LINGO2: variants seen among roughly 807,000 people sequenced by gnomAD.
LINGO2 encodes the protein leucine rich repeat and Ig domain containing 2.
Under a neutral mutation model 30.6 loss-of-function variants are expected in LINGO2, and 14 were observed. The ratio of observed to expected loss-of-function variants is 0.46; its 90% CI spans 0.30 to 0.72. LINGO2 has a LOEUF of 0.72. Among genes scored for constraint, LINGO2 ranks in the 30% least tolerant of loss-of-function variants. LINGO2 has a pLI of 0.07. For missense variants in LINGO2, 729 were observed against 751.7 expected, an observed-to-expected ratio of 0.97 and a Z score of 0.35; for synonymous variants, 317 against 288.5, an observed-to-expected ratio of 1.10 and a Z score of -1.00.
At chr9:28,602,524 C>T (rs181251273) in intron 1 of LINGO2, among the ~76,000 whole-genome samples, 210 of 152,114 alleles carry the variant, frequency 1.4e-3, no homozygotes, top group Admixed American at 6.4e-3. Context: ...ATAGCTTATG[C>T]ATACATCAAA....
chr9:28,853,132 A>G, the LINGO2 span, among the ~76,000 whole-genome samples: 1 of 152,040 alleles, frequency 6.6e-6, no homozygotes, highest in African/African-American at 2.4e-5. Context: ...TCTGTCTACA[A>G]ATGATGTTCA....
At chr9:28,013,997 T>A (rs554049559) in intron 4 of LINGO2, among the ~76,000 whole-genome samples, 1 of 152,320 alleles carries the variant, frequency 6.6e-6, no homozygotes, top group Non-Finnish European at 1.5e-5. Context: ...CATGCTCTGG[T>A]ATTTTTGCAG....
At chr9:29,103,532 AT>A in the LINGO2 span, among the ~76,000 whole-genome samples, 1 of 150,206 alleles carries the variant, frequency 6.7e-6, no homozygotes, top group East Asian at 1.9e-4. Flanking sequence ...TAAGTTTATA[AT>A]ATTTCTTTTT....
At chr9:29,105,983 T>A in the LINGO2 span, among the ~76,000 whole-genome samples, 2 of 152,162 alleles carry the variant, frequency 1.3e-5, no homozygotes, top group African/African-American at 4.8e-5. Context: ...CTGACAGCTT[T>A]TATTTGATCC....
chr9:28,709,293 A>C, the LINGO2 span, among the ~76,000 whole-genome samples: 1 of 152,010 alleles, frequency 6.6e-6, no homozygotes, highest in Non-Finnish European at 1.5e-5. Flanking sequence ...CTAATTGCTA[A>C]TTGGTTTTAG....
At chr9:29,176,975 G>C in the LINGO2 span, among the ~76,000 whole-genome samples, 1 of 152,182 alleles carries the variant, frequency 6.6e-6, no homozygotes, top group Non-Finnish European at 1.5e-5. Context: ...GCCCTAGCCA[G>C]TCAGTTGGCC....
chr9:28,963,241 A>G, the LINGO2 span, among the ~76,000 whole-genome samples: 6 of 151,974 alleles, frequency 3.9e-5, no homozygotes, highest in East Asian at 1.9e-4. Flanking sequence ...ATATATCACT[A>G]TAAGTATTTA....
chr9:28,341,154 C>T (rs1310224229), intron 3 of LINGO2, among the ~76,000 whole-genome samples: 1 of 152,014 alleles, frequency 6.6e-6, no homozygotes, highest in Non-Finnish European at 1.5e-5. Flanking sequence ...TTAACCAATT[C>T]AATAGATATG....
chr9:28,462,911 C>A (rs1470814602), intron 2 of LINGO2, among the ~76,000 whole-genome samples: 2 of 151,994 alleles, frequency 1.3e-5, no homozygotes, highest in African/African-American at 4.8e-5. Context: ...CTTGGTGACA[C>A]CTTAAAGAGC....
At chr9:28,225,825 A>C (rs1227005405) in intron 4 of LINGO2, among the ~76,000 whole-genome samples, 1 of 152,164 alleles carries the variant, frequency 6.6e-6, no homozygotes, top group African/African-American at 2.4e-5. Flanking sequence ...ATTCCTTTTG[A>C]AACTTGTTAA....
intron 5 of LINGO2, among the ~76,000 whole-genome samples, chr9:27,987,248 G>C (rs562690811): frequency 6.6e-6 from 1 of 151,838 alleles, no homozygotes; most frequent in Admixed American, 6.6e-5. Flanking sequence ...TTGCAATGTG[G>C]CTAAATATGT....
the LINGO2 span, among the ~76,000 whole-genome samples, chr9:29,048,542 G>T: frequency 6.6e-6 from 1 of 152,158 alleles, no homozygotes; most frequent in Admixed American, 6.5e-5. Flanking sequence ...AACAAAACTG[G>T]AGGAATCATA....
At chr9:28,184,796 C>G (rs769945679) in intron 4 of LINGO2, among the ~76,000 whole-genome samples, 2 of 152,028 alleles carry the variant, frequency 1.3e-5, no homozygotes, top group Non-Finnish European at 2.9e-5. Context: ...TTGGAAAAGG[C>G]CTAAAATAAC....
chr9:29,105,290 G>GT, the LINGO2 span, among the ~76,000 whole-genome samples: 1 of 152,094 alleles, frequency 6.6e-6, no homozygotes, highest in South Asian at 2.1e-4. Flanking sequence ...AAATTGTCAC[G>GT]TCAGTTTAAG....
chr9:28,255,196 G>GCT (rs145554324), intron 4 of LINGO2, among the ~76,000 whole-genome samples: 14 of 148,154 alleles, frequency 9.4e-5, no homozygotes, highest in East Asian at 3.9e-4. Flanking sequence ...TCCCTCTCTC[G>GCT]CTCTCTCTCT....
intron 4 of LINGO2, among the ~76,000 whole-genome samples, chr9:28,195,652 A>G (rs1020321638): frequency 2.6e-5 from 4 of 151,578 alleles, no homozygotes; most frequent in Non-Finnish European, 4.4e-5. Flanking sequence ...CAGAACAGAT[A>G]AATTATAGCC....
chr9:28,678,311 T>C, the LINGO2 span, among the ~76,000 whole-genome samples: 1 of 152,116 alleles, frequency 6.6e-6, no homozygotes, highest in African/African-American at 2.4e-5. Flanking sequence ...CATGGGCTGT[T>C]GGCACTGTTA....
Position 28,148,106 on chromosome 9 carries a change from C to T in LINGO2, c.-86-135701G>A. 8.8e-7 allele frequency: 1 copy of T among 1,131,440 alleles called. No individual in the cohort carries two copies. The highest frequency in any genetic ancestry group is 1.1e-6 in the Non-Finnish European group (1 of 894,546). 70.1% of individuals were successfully genotyped at this position (1,131,440 alleles called of 1,614,324 possible). The stretch of plus-strand genomic sequence containing the variant: ...AGCTGGCCGGGCTAACCCCGCGGCT[C>T]CTGCACCTGTGCCTGCCCGGGGAAT... On this transcript the variant is annotated intron_variant, in intron 4 of 5. Transcript: ENST00000379992. The surrounding 1 kb of genome is among the most constrained non-coding windows in gnomAD (Gnocchi z 5.1).
At chr9:28,722,021 A>G in the LINGO2 span, among the ~76,000 whole-genome samples, 1 of 152,064 alleles carries the variant, frequency 6.6e-6, no homozygotes, top group Admixed American at 6.6e-5. Flanking sequence ...AAAACCAAAC[A>G]GCCCAAACAT....
Sources: gnomAD v4.1 joint callset for allele counts (sites outside exome capture counted in the v4.1 genomes callset) on GRCh38, gnomAD v4.1.1 for gene constraint, Gnocchi (gnomAD v3.1) non-coding constraint, MANE v1.5 for transcripts, NCBI Gene and HGNC (gene_info 2026-07-23, HGNC 2026-07-21) for gene names.